The following SGCZ variants were observed in gnomAD, a reference collection of about 807,000 sequenced individuals.
SGCZ encodes the protein zeta-sarcoglycan.
Under a neutral mutation model 41.3 loss-of-function variants are expected in SGCZ, and 40 were observed. That is an observed-to-expected ratio of 0.97 (90% CI 0.75 to 1.26). The LOEUF is 1.26. SGCZ is among the 50% of genes most tolerant of loss of function. SGCZ has a pLI of 0.00. For synonymous variants in SGCZ, 206 were observed against 137.5 expected (o/e 1.50, Z -3.49); for missense variants, 552 against 369.8 (o/e 1.49, Z -4.04).
intron 1 of SGCZ, among the ~76,000 whole-genome samples, chr8:14,603,566 A>T (rs569555995): frequency 1.3e-5 from 2 of 152,130 alleles, no homozygotes; most frequent in Admixed American, 1.3e-4. Context: ...TTTAAACAAG[A>T]TCATGATAAA....
chr8:14,922,674 G>C (rs571593946), intron 1 of SGCZ, among the ~76,000 whole-genome samples: 7 of 152,168 alleles, frequency 4.6e-5, no homozygotes, highest in Non-Finnish European at 1.0e-4. Context: ...AAATAGTTTG[G>C]GGTATTCCAC....
chr8:14,284,506 C>T (rs1204613564), intron 3 of SGCZ, among the ~76,000 whole-genome samples: 1 of 152,164 alleles, frequency 6.6e-6, no homozygotes, highest in Non-Finnish European at 1.5e-5. Context: ...TTATCCATGC[C>T]TTTAGATTTA....
At chr8:14,903,254 T>C (rs1271888122) in intron 1 of SGCZ, among the ~76,000 whole-genome samples, 4 of 152,096 alleles carry the variant, frequency 2.6e-5, no homozygotes, top group Non-Finnish European at 5.9e-5. Context: ...AAATGGCAAA[T>C]ACATGACAGT....
chr8:14,531,817 T>A (rs1803142235), intron 2 of SGCZ, among the ~76,000 whole-genome samples: 1 of 152,072 alleles, frequency 6.6e-6, no homozygotes, highest in South Asian at 2.1e-4. Flanking sequence ...AGATTGTAAT[T>A]TGAATAATGT....
intron 3 of SGCZ, among the ~76,000 whole-genome samples, chr8:14,267,387 G>C (rs1479083775): frequency 6.6e-6 from 1 of 152,008 alleles, no homozygotes; most frequent in Non-Finnish European, 1.5e-5. Context: ...TATCTAATCA[G>C]CCTACTAGTG....
intron 2 of SGCZ, among the ~76,000 whole-genome samples, chr8:14,463,561 A>G (rs1800963012): frequency 6.6e-6 from 1 of 151,644 alleles, no homozygotes; most frequent in African/African-American, 2.4e-5. Flanking sequence ...TTGGGCAAAA[A>G]CTTCATGACA....
chr8:14,647,386 T>C (rs1184772872), intron 1 of SGCZ, among the ~76,000 whole-genome samples: 2 of 152,140 alleles, frequency 1.3e-5, no homozygotes, highest in African/African-American at 4.8e-5. Flanking sequence ...GTAAAAGTTA[T>C]AAATAGGAAG....
intron 1 of SGCZ, among the ~76,000 whole-genome samples, chr8:14,673,809 A>C (rs1808185854): frequency 6.6e-6 from 1 of 152,232 alleles, no homozygotes; most frequent in Non-Finnish European, 1.5e-5. Context: ...GATGCTACTC[A>C]ATTATTCTAG....
intron 1 of SGCZ, among the ~76,000 whole-genome samples, chr8:14,832,451 G>T (rs1343920345): frequency 6.6e-6 from 1 of 152,028 alleles, no homozygotes; most frequent in Admixed American, 6.6e-5. Flanking sequence ...ATAAAATGAG[G>T]GCATGGAAAA....
intron 1 of SGCZ, among the ~76,000 whole-genome samples, chr8:15,011,243 G>A (rs1040807340): frequency 1.3e-5 from 2 of 151,832 alleles, no homozygotes; most frequent in Non-Finnish European, 2.9e-5. Flanking sequence ...GGATATTTTG[G>A]TACTTCACTG....
chr8:14,414,118 G>A (rs949857890), intron 2 of SGCZ, among the ~76,000 whole-genome samples: 4 of 151,958 alleles, frequency 2.6e-5, no homozygotes, highest in South Asian at 4.1e-4. Context: ...AATGTGACTT[G>A]CACATGAATT....
chr8:14,125,428 A>T (rs6996119), intron 5 of SGCZ, among the ~76,000 whole-genome samples: 27 of 151,116 alleles, frequency 1.8e-4, no homozygotes, highest in African/African-American at 3.4e-4. Flanking sequence ...GGCGTGAACC[A>T]GGGAGGCAGA....
chr8:14,663,869 C>T (rs1235299641), intron 1 of SGCZ, among the ~76,000 whole-genome samples: 1 of 152,090 alleles, frequency 6.6e-6, no homozygotes, highest in Non-Finnish European at 1.5e-5. Flanking sequence ...CATTCTATCC[C>T]CATCCCTAGC....
chr8:14,235,264 T>C (rs150572460), intron 4 of SGCZ, among the ~76,000 whole-genome samples: 7 of 152,296 alleles, frequency 4.6e-5, no homozygotes, highest in African/African-American at 1.7e-4. Flanking sequence ...CTATGTTCAC[T>C]AAAATATGCA....
Position 14,674,144 on chromosome 8 carries a change from G to A in SGCZ, c.40-119218C>T, listed in dbSNP as rs796565380. The stretch of plus-strand genomic sequence containing the variant: ...ACTCAGAATAAAACATAAATAGGTA[G>A]TTATCTGTTTTCATGTTAGCTTAGC... On this transcript the variant is annotated intron_variant, in intron 1 of 7. Transcript: ENST00000382080. Among the ~76,000 whole-genome samples the A allele has an allele frequency of 1.3e-4, 16 of 119,270 alleles. 1 individual carries two copies. The highest frequency in any genetic ancestry group is 5.5e-4 in the African/African-American group (15 of 27,144). The allele number at this position is 119,270 out of a possible 152,430, so 78.2% of individuals were successfully genotyped here. A position where few individuals can be genotyped will look rare whatever the true frequency, so the allele number is the denominator to read the frequency against.
chr8:15,139,342 CTA>C (rs1424088225), intron 1 of SGCZ, among the ~76,000 whole-genome samples: 1 of 152,130 alleles, frequency 6.6e-6, no homozygotes, highest in African/African-American at 2.4e-5. Flanking sequence ...TATTTTGAAT[CTA>C]TGTTTATACA....
intron 2 of SGCZ, among the ~76,000 whole-genome samples, chr8:14,396,972 T>C (rs976943186): frequency 6.6e-6 from 1 of 152,192 alleles, no homozygotes; most frequent in African/African-American, 2.4e-5. Flanking sequence ...ACTTCTCCTT[T>C]ATAAGATTGT....
intron 1 of SGCZ, among the ~76,000 whole-genome samples, chr8:14,767,026 T>G (rs1231914034): frequency 6.6e-6 from 1 of 152,132 alleles, no homozygotes; most frequent in African/African-American, 2.4e-5. Context: ...GCTTAACAGT[T>G]AGATGTCTAC....
intron 1 of SGCZ, among the ~76,000 whole-genome samples, chr8:15,033,975 A>T (rs1174106663): frequency 2.0e-5 from 3 of 152,216 alleles, no homozygotes; most frequent in Admixed American, 6.5e-5. Context: ...TTTCCAGACA[A>T]AGCCAATCTT....
Sources: allele counts gnomAD v4.1 joint callset (sites outside exome capture counted in the v4.1 genomes callset), GRCh38; gene constraint gnomAD v4.1.1; transcripts MANE v1.5; gene names NCBI Gene and HGNC (gene_info 2026-07-23, HGNC 2026-07-21).